Variants in SFMBT2 observed in about 807,000 individuals in gnomAD.
The protein encoded by SFMBT2 is Scm like with four mbt domains 2.
Under a neutral mutation model 110.1 loss-of-function variants are expected in SFMBT2, and 38 were observed. The observed-to-expected ratio is 0.35, with a 90% CI of 0.27 to 0.45. The LOEUF (loss-of-function observed/expected upper bound fraction) is 0.45, where lower values mean the gene tolerates loss of function less well. SFMBT2 is among the 20% of genes least tolerant of loss of function. SFMBT2 has a pLI of 1.00. For missense variants in SFMBT2, 1,011 were observed against 1,094.9 expected (o/e 0.92, Z 1.08); for synonymous variants, 425 against 425.4 (o/e 1.00, Z 0.01).
intron 1 of SFMBT2, among the ~76,000 whole-genome samples, chr10:7,387,154 G>A (rs1845631002): frequency 6.6e-6 from 1 of 152,208 alleles, no homozygotes; most frequent in Non-Finnish European, 1.5e-5. Context: ...ACCCCACACA[G>A]TGTCATCTGT....
intron 1 of SFMBT2, among the ~76,000 whole-genome samples, chr10:7,397,806 T>C (rs921372077): frequency 6.6e-6 from 1 of 152,228 alleles, no homozygotes; most frequent in Non-Finnish European, 1.5e-5. Context: ...GCGAGCTTTC[T>C]TCTATTTATA....
chr10:7,333,028 A>G lies in SFMBT2; in HGVS notation c.436+34621T>C, dbSNP rs1411973554. Reference sequence around the variant, plus strand: ...ATTACAGGCGCACACCACCACGCCCAGCTAATTTTTGTACTTTTAGTAGAG... The same window carrying G: ...ATTACAGGCGCACACCACCACGCCCGGCTAATTTTTGTACTTTTAGTAGAG... On this transcript the variant is annotated intron_variant, in intron 4 of 20. Transcript: ENST00000397167. Among the ~76,000 whole-genome samples the G allele has an allele frequency of 2.6e-5, 4 of 152,074 alleles. No individual in the cohort carries two copies. In the South Asian group the frequency reaches 8.3e-4, roughly 32 times the overall value.
intron 7 of SFMBT2, among the ~76,000 whole-genome samples, chr10:7,272,467 C>T (rs1228153054): frequency 4.6e-5 from 7 of 152,150 alleles, no homozygotes; most frequent in East Asian, 3.9e-4. Flanking sequence ...TGTCCGAAAC[C>T]GGGGGGTTGA....
intron 6 of SFMBT2, among the ~76,000 whole-genome samples, chr10:7,279,294 C>T (rs1224338246): frequency 6.6e-6 from 1 of 152,168 alleles, no homozygotes; most frequent in African/African-American, 2.4e-5. Flanking sequence ...ATCTCTCCTC[C>T]TCCACACCAG....
chr10:7,407,018 G>A (rs1204114134), intron 1 of SFMBT2, among the ~76,000 whole-genome samples: 1 of 152,162 alleles, frequency 6.6e-6, no homozygotes, highest in Non-Finnish European at 1.5e-5. Context: ...GTGCGTGGGT[G>A]TCTCCCACTC....
In SFMBT2 at chr10:7,163,778, C is replaced by T. The variant is rs916403433; in HGVS notation, c.2677G>A (p.Ala893Thr). The T allele has an allele frequency of 3.8e-5, 61 of 1,613,702 alleles. No individual in the cohort carries two copies. Among genetic ancestry groups the T allele is most frequent in the Non-Finnish European group, 4.7e-5 (56 of 1,179,816 alleles). ...RVKVAFYAQY[A>T]N ...ACCTCCCGAGGGCAGACTCAGTTGGCGTACTGGGCGTAGAAAGCCACTTTG... is the reference window on the plus strand; with the variant it reads ...ACCTCCCGAGGGCAGACTCAGTTGGTGTACTGGGCGTAGAAAGCCACTTTG... Residue 893 changes from alanine to threonine, a missense_variant, in exon 21 of 21, where the codon GCC becomes ACC. This residue lies in a region of SFMBT2 where 32 missense variants were observed against 78.8 expected (regional missense o/e 0.41). Coordinates refer to ENST00000397167, the MANE Select transcript of SFMBT2 (RefSeq NM_001387889.1). The surrounding 1 kb of genome is among the most constrained non-coding windows in gnomAD (Gnocchi z 4.8).
intron 15 of SFMBT2, among the ~76,000 whole-genome samples, chr10:7,196,940 C>T (rs984222398): frequency 2.6e-5 from 4 of 152,202 alleles, no homozygotes; most frequent in Non-Finnish European, 4.4e-5. Flanking sequence ...TGCAGGTCGT[C>T]GCCCGAAGGC....
chr10:7,302,442 A>G (rs1384326623), intron 4 of SFMBT2, among the ~76,000 whole-genome samples: 1 of 152,238 alleles, frequency 6.6e-6, no homozygotes, highest in African/African-American at 2.4e-5. Flanking sequence ...GCTGAGGAGC[A>G]GAGTGGGAGC....
At chr10:7,341,807 C>T (rs928511730) in intron 4 of SFMBT2, among the ~76,000 whole-genome samples, 3 of 152,216 alleles carry the variant, frequency 2.0e-5, no homozygotes, top group Admixed American at 6.5e-5. Context: ...CTTTGAACAG[C>T]TCATGGCTGA....
At chr10:7,184,996 G>A (rs1228105911) in intron 16 of SFMBT2, among the ~76,000 whole-genome samples, 1 of 152,190 alleles carries the variant, frequency 6.6e-6, no homozygotes, top group African/African-American at 2.4e-5. Context: ...TCAGGGTCGG[G>A]AGAATGGGTC....
At position 7,209,308 on chromosome 10, in the gene SFMBT2, T is replaced by C. The variant is rs148824284; in HGVS notation, c.1331-3380A>G. Among the ~76,000 whole-genome samples the C allele has an allele frequency of 2.7e-3, 414 of 152,342 alleles. 1 individual carries two copies. Among genetic ancestry groups the C allele is most frequent in the Non-Finnish European group, 4.5e-3 (305 of 68,034 alleles). On this transcript the variant is annotated intron_variant, in intron 11 of 20. Transcript: ENST00000397167. ...CATTTTATAGAAAAATCCTGACACA[T>C]TGCTTCTCGGCCTTTTGGCTAAGAT...
At chr10:7,279,811 G>C (rs568354014) in intron 6 of SFMBT2, among the ~76,000 whole-genome samples, 10 of 152,274 alleles carry the variant, frequency 6.6e-5, no homozygotes, top group African/African-American at 2.4e-4. Flanking sequence ...AATAAACAAA[G>C]ACCTAGAGAA....
chr10:7,171,937 C>T lies in SFMBT2; in HGVS notation c.2373G>A (p.Glu791=), dbSNP rs1837882950. 6.9e-7 allele frequency: 1 copy of T among 1,455,910 alleles called. No individual in the cohort carries two copies. Among genetic ancestry groups the T allele is most frequent in the Middle Eastern group, 2.2e-4 (1 of 4,494 alleles). The allele number at this position is 1,455,910 out of a possible 1,614,324, so 90.2% of individuals were successfully genotyped here. ...GRGAPAASSA[E]EGEKCPPTKP... The stretch of plus-strand genomic sequence containing the variant: ...TGGTCGGCGGGCACTTCTCCCCTTC[C>T]TCTGCTGAGGAGGCAGCCGGCGCCC... Residue 791 remains glutamate, a synonymous_variant, in exon 19 of 21, where the codon GAG becomes GAA. Transcript: ENST00000397167. The surrounding 1 kb of genome is among the most constrained non-coding windows in gnomAD (Gnocchi z 4.9).
At chr10:7,228,700 TTTCTTTCTTTC>T (rs1461387581) in intron 9 of SFMBT2, among the ~76,000 whole-genome samples, 19 of 132,914 alleles carry the variant, frequency 1.4e-4, no homozygotes, top group African/African-American at 5.2e-4. Context: ...TCTTTCTTTC[TTTCTTTCTTTC>T]TTTCTTTCTT....
chr10:7,207,625 T>G, intron 11 of SFMBT2: 1 of 984,130 alleles, frequency 1.0e-6, no homozygotes, highest in Non-Finnish European at 1.2e-6. Flanking sequence ...ATCTGAAGAA[T>G]TCTGAATCAC....
At chr10:7,251,395 G>A (rs1384782250) in intron 7 of SFMBT2, among the ~76,000 whole-genome samples, 1 of 152,066 alleles carries the variant, frequency 6.6e-6, no homozygotes, top group Admixed American at 6.6e-5. Context: ...AATCATTTGA[G>A]CCTGGGAGGC....
intron 8 of SFMBT2, 145 bp downstream of exon 8, chr10:7,248,403 C>A: frequency 1.5e-6 from 1 of 650,006 alleles, no homozygotes; most frequent in South Asian, 1.9e-5. Flanking sequence ...CAGCGCTGGA[C>A]TGGAAGGGCG....
intron 1 of SFMBT2, among the ~76,000 whole-genome samples, chr10:7,407,635 G>A (rs1157662662): frequency 2.0e-5 from 3 of 152,198 alleles, no homozygotes; most frequent in African/African-American, 7.2e-5. Flanking sequence ...GATCGTCAGG[G>A]CCACGAGCCT....
intron 8 of SFMBT2, among the ~76,000 whole-genome samples, chr10:7,245,027 T>C (rs1189912872): frequency 6.6e-6 from 1 of 152,032 alleles, no homozygotes; most frequent in Non-Finnish European, 1.5e-5. Context: ...CACTGGACAG[T>C]CCTGAAAACT....
Sources: gnomAD v4.1 joint callset for allele counts (sites outside exome capture counted in the v4.1 genomes callset) on GRCh38, gnomAD v4.1.1 for gene constraint, gnomAD v4.1.1 regional missense constraint, Gnocchi (gnomAD v3.1) non-coding constraint, MANE v1.5 for transcripts, NCBI Gene and HGNC (gene_info 2026-07-23, HGNC 2026-07-21) for gene names.